Variants in NOS1AP observed in about 807,000 individuals in gnomAD.
The protein encoded by NOS1AP is nitric oxide synthase 1 adaptor protein, also known as carboxyl-terminal PDZ ligand of neuronal nitric oxide synthase protein.
In NOS1AP, 21 loss-of-function variants were observed where a neutral mutation model predicts 56.2. The ratio of observed to expected loss-of-function variants is 0.37; its 90% CI spans 0.26 to 0.54. The LOEUF (loss-of-function observed/expected upper bound fraction) is 0.54, where lower values mean the gene tolerates loss of function less well. Among genes scored for constraint, NOS1AP ranks in the 20% least tolerant of loss-of-function variants. The probability of loss-of-function intolerance (pLI) is 0.84; values close to 1 mark genes in which losing one functional copy is unlikely to be tolerated. For synonymous variants in NOS1AP, 270 were observed against 274.6 expected (o/e 0.98, Z 0.17); for missense variants, 522 against 657.8 (o/e 0.79, Z 2.26).
chr1:162,355,689 C>G (rs534342629), intron 7 of NOS1AP, among the ~76,000 whole-genome samples: 1 of 151,896 alleles, frequency 6.6e-6, no homozygotes, highest in African/African-American at 2.4e-5. Context: ...GGCACACACA[C>G]ACACAGACTC....
intron 2 of NOS1AP, among the ~76,000 whole-genome samples, chr1:162,189,275 A>AT (rs1426015702): frequency 6.6e-6 from 1 of 152,164 alleles, no homozygotes; most frequent in Non-Finnish European, 1.5e-5. Context: ...AAAAACCAAA[A>AT]TGTGTTCCTG....
At chr1:162,127,746 C>T (rs1406063995) in intron 1 of NOS1AP, among the ~76,000 whole-genome samples, 1 of 152,124 alleles carries the variant, frequency 6.6e-6, no homozygotes, top group Non-Finnish European at 1.5e-5. Context: ...AACTCACTAT[C>T]GCAAGGACAG....
At chr1:162,226,469 C>G (rs987912695) in intron 2 of NOS1AP, among the ~76,000 whole-genome samples, 3 of 152,176 alleles carry the variant, frequency 2.0e-5, no homozygotes, top group Admixed American at 6.5e-5. Context: ...GTATTAACAT[C>G]TAAATACTTA....
At chr1:162,358,161 C>G (rs1027936277) in intron 8 of NOS1AP, among the ~76,000 whole-genome samples, 1 of 152,198 alleles carries the variant, frequency 6.6e-6, no homozygotes, top group African/African-American at 2.4e-5. Context: ...CTCCAGGGAG[C>G]ACTTATTGCT....
intron 2 of NOS1AP, among the ~76,000 whole-genome samples, chr1:162,172,185 G>A (rs1033693906): frequency 8.5e-5 from 13 of 152,146 alleles, no homozygotes; most frequent in Non-Finnish European, 1.9e-4. Context: ...GTGGGGAGAG[G>A]GACAAGAGGA....
At chr1:162,174,576 A>T (rs1037573294) in intron 2 of NOS1AP, among the ~76,000 whole-genome samples, 1 of 152,234 alleles carries the variant, frequency 6.6e-6, no homozygotes, top group African/African-American at 2.4e-5. Context: ...ATAATAAAAA[A>T]TAAAAAAACT....
intron 1 of NOS1AP, among the ~76,000 whole-genome samples, chr1:162,085,867 A>G (rs571364720): frequency 1.3e-5 from 2 of 152,194 alleles, no homozygotes; most frequent in South Asian, 4.1e-4. Flanking sequence ...TTGGTGTTTT[A>G]TAAACTTTCT....
At chr1:162,284,732 C>T (rs1459120731) in intron 2 of NOS1AP, among the ~76,000 whole-genome samples, 2 of 152,156 alleles carry the variant, frequency 1.3e-5, no homozygotes, top group Admixed American at 6.5e-5. Context: ...CATGGCCAAG[C>T]CTGCCAAAAT....
intron 1 of NOS1AP, among the ~76,000 whole-genome samples, chr1:162,095,509 A>T (rs577378911): frequency 5.3e-4 from 81 of 152,238 alleles, no homozygotes; most frequent in Admixed American, 1.0e-3. Context: ...GGGTGTGTGT[A>T]TACTCTGTGG....
chr1:162,348,301 G>A (rs1419490601), intron 6 of NOS1AP, among the ~76,000 whole-genome samples: 1 of 152,180 alleles, frequency 6.6e-6, no homozygotes, highest in Admixed American at 6.5e-5. Context: ...GATGACACTT[G>A]GTGTCAGGGG....
At chr1:162,138,187 A>C (rs1232783105) in intron 1 of NOS1AP, among the ~76,000 whole-genome samples, 1 of 152,156 alleles carries the variant, frequency 6.6e-6, no homozygotes, top group African/African-American at 2.4e-5. Context: ...ATTCTCTCAT[A>C]GTTTCTGTGA....
chr1:162,254,196 C>A (rs72715987), intron 2 of NOS1AP, among the ~76,000 whole-genome samples: 1 of 152,168 alleles, frequency 6.6e-6, no homozygotes. Context: ...ATAGTAGATT[C>A]TTGGTCAATG....
intron 2 of NOS1AP, among the ~76,000 whole-genome samples, chr1:162,267,907 G>A (rs1363246511): frequency 1.3e-5 from 2 of 152,206 alleles, no homozygotes; most frequent in Non-Finnish European, 2.9e-5. Flanking sequence ...ACTCTTGAAA[G>A]GCTTAAGATG....
At chr1:162,142,114 A>G (rs184340594) in intron 1 of NOS1AP, among the ~76,000 whole-genome samples, 164 of 152,364 alleles carry the variant, frequency 1.1e-3, no homozygotes, top group Non-Finnish European at 1.7e-3. Flanking sequence ...TCTAAGAAAC[A>G]GATATTAACT....
At chr1:162,291,522 A>C (rs1004008915) in intron 3 of NOS1AP, among the ~76,000 whole-genome samples, 3 of 152,212 alleles carry the variant, frequency 2.0e-5, no homozygotes, top group African/African-American at 7.2e-5. Context: ...CCTTTCTCAA[A>C]TATAGGAAGG....
chr1:162,206,811 C>A (rs914664061), intron 2 of NOS1AP, among the ~76,000 whole-genome samples: 1 of 152,132 alleles, frequency 6.6e-6, no homozygotes, highest in South Asian at 2.1e-4. Flanking sequence ...CCTCATTGAG[C>A]CTCGATCTCT....
chr1:162,269,436 T>C (rs1016848635), intron 2 of NOS1AP, among the ~76,000 whole-genome samples: 1 of 152,228 alleles, frequency 6.6e-6, no homozygotes, highest in African/African-American at 2.4e-5. Context: ...TAATGGCTGA[T>C]ATCTTGGAAA....
chr1:162,326,705 A>G (rs1656601655), intron 4 of NOS1AP, among the ~76,000 whole-genome samples: 1 of 152,158 alleles, frequency 6.6e-6, no homozygotes, highest in South Asian at 2.1e-4. Flanking sequence ...TTGAGACCCA[A>G]GAAGAGTCTG....
chr1:162,236,751 A>C (rs114923676), intron 2 of NOS1AP, among the ~76,000 whole-genome samples: 1,612 of 152,154 alleles, frequency 0.011, 17 homozygotes, highest in Non-Finnish European at 0.019. Context: ...TGTTGTCTCT[A>C]TAAATCGAAA....
Sources: allele counts gnomAD v4.1 joint callset (sites outside exome capture counted in the v4.1 genomes callset), GRCh38; gene constraint gnomAD v4.1.1; transcripts MANE v1.5; gene names NCBI Gene and HGNC (gene_info 2026-07-23, HGNC 2026-07-21).